The following DAZAP1 variants were observed in gnomAD, a reference collection of about 807,000 sequenced individuals.
The protein encoded by DAZAP1 is DAZ-associated protein 1.
In DAZAP1, 6 loss-of-function variants were observed where a neutral mutation model predicts 60.1. That is an observed-to-expected ratio of 0.10 (90% CI 0.05 to 0.20). DAZAP1 has a LOEUF of 0.20. Ranked by LOEUF, DAZAP1 falls within the 10% of genes least tolerant of loss-of-function variation. DAZAP1 has a pLI of 1.00. For synonymous variants in DAZAP1, 235 were observed against 215.9 expected, an observed-to-expected ratio of 1.09 and a Z score of -0.78; for missense variants, 366 against 560.4, an observed-to-expected ratio of 0.65 and a Z score of 3.50.
Position 1,434,948 on chromosome 19 carries a change from A to G in DAZAP1, c.*36A>G, listed in dbSNP as rs2144966772. 5 of 1,152,994 alleles carry G rather than the reference A, an allele frequency of 4.3e-6. No individual in the cohort carries two copies. The South Asian group carries it at 7.0e-5, about 16-fold the overall frequency. 71.4% of individuals were successfully genotyped at this position (1,152,994 alleles called of 1,614,324 possible). ...CGCGACGTCTGCACGGCCCAGACCC[A>G]GGATTCCAAACTTGTGAACTCGTGA... On this transcript the variant is annotated 3_prime_UTR_variant, in exon 12 of 12. Transcript: ENST00000233078. This position sits in a 1 kb window ranked among gnomAD's most constrained non-coding sequence, Gnocchi z 8.0.
chr19:1,407,613 G>A lies in DAZAP1; in HGVS notation c.-161G>A, dbSNP rs2082700362. The A allele has an allele frequency of 1.5e-5, 4 of 273,244 alleles. No individual in the cohort carries two copies. Among genetic ancestry groups the A allele is most frequent in the Non-Finnish European group, 2.0e-5 (4 of 197,794 alleles). The allele number at this position is 273,244 out of a possible 1,614,324, so 16.9% of individuals were successfully genotyped here. A position where few individuals can be genotyped will look rare whatever the true frequency, so the allele number is the denominator to read the frequency against. On this transcript the variant is annotated 5_prime_UTR_variant, in exon 1 of 12. Coordinates refer to ENST00000233078, the MANE Select transcript of DAZAP1 (RefSeq NM_018959.4). ...GCGGTGACCGTTGGCGCCGAGGGGA[G>A]GAGGCAGCCGCCGCCGCCGCCGCCG...
intron 2 of DAZAP1, among the ~76,000 whole-genome samples, chr19:1,417,871 T>C (rs1000129640): frequency 4.0e-5 from 6 of 151,452 alleles, no homozygotes; most frequent in Non-Finnish European, 8.8e-5. Context: ...GAGGAAAGAG[T>C]GTGTAGCAAA....
At chr19:1,413,989 C>CTGTGTGTGTGTGTGTGTG (rs3065755) in intron 1 of DAZAP1, among the ~76,000 whole-genome samples, 12 of 130,152 alleles carry the variant, frequency 9.2e-5, no homozygotes, top group East Asian at 2.3e-4. Context: ...CCCCAGTGAA[C>CTGTGTGTGTGTGTGTGTG]TGTGTGTGTG....
chr19:1,416,959 C>T lies in DAZAP1; in HGVS notation c.30-541C>T, dbSNP rs1318131310. The T allele has an allele frequency of 6.2e-6, 1 of 161,584 alleles. No individual in the cohort carries two copies. Among genetic ancestry groups the T allele is most frequent in the Non-Finnish European group, 1.3e-5 (1 of 74,248 alleles). 10.0% of individuals were successfully genotyped at this position (161,584 alleles called of 1,614,324 possible). ...CAGTGCTGAGACTGGAGCTTCAGGG[C>T]CTTCACCTTCATCTGTGGGCCTCTC... On this transcript the variant is annotated intron_variant, in intron 1 of 11. Coordinates refer to ENST00000233078, the MANE Select transcript of DAZAP1 (RefSeq NM_018959.4). This position sits in a 1 kb window ranked among gnomAD's most constrained non-coding sequence, Gnocchi z 4.3.
In DAZAP1 at chr19:1,434,639, C is replaced by T. The variant is rs1293819752; in HGVS notation, c.1049-98C>T. 1.5e-6 allele frequency: 2 copies of T among 1,375,762 alleles called. No individual in the cohort carries two copies. Among genetic ancestry groups the T allele is most frequent in the African/African-American group, 2.9e-5 (2 of 68,528 alleles). The allele number at this position is 1,375,762 out of a possible 1,614,324, so 85.2% of individuals were successfully genotyped here. On this transcript the variant is annotated intron_variant, in intron 11 of 11. Transcript: ENST00000233078. The surrounding 1 kb of genome is among the most constrained non-coding windows in gnomAD (Gnocchi z 8.0). The stretch of plus-strand genomic sequence containing the variant: ...CCGCACCCCGTGGGACCCGTGGACT[C>T]AAGGCAGGCTCGGCGGAGCTGTGTC...
intron 1 of DAZAP1, among the ~76,000 whole-genome samples, chr19:1,413,234 C>G (rs2082879249): frequency 1.3e-5 from 2 of 152,232 alleles, no homozygotes; most frequent in Non-Finnish European, 2.9e-5. Flanking sequence ...GCAGCTCCTC[C>G]TTTTGGCCTC....
At position 1,434,683 on chromosome 19, in the gene DAZAP1, G is replaced by A. The variant is rs1037864183; in HGVS notation, c.1049-54G>A. On this transcript the variant is annotated intron_variant, in intron 11 of 11. Coordinates refer to ENST00000233078, the MANE Select transcript of DAZAP1 (RefSeq NM_018959.4). This position sits in a 1 kb window ranked among gnomAD's most constrained non-coding sequence, Gnocchi z 8.0. ...CTGTGTCCAGGTGGCCTCGCTCGAC[G>A]GCAGTGCCAACCGCCCAGGGACCGC... 38 of 1,595,302 alleles carry A rather than the reference G, an allele frequency of 2.4e-5. 1 individual carries two copies. In the South Asian group the frequency reaches 2.8e-4, roughly 12 times the overall value.
chr19:1,421,059 A>G (rs2083140661), intron 4 of DAZAP1, 89 bp from the exon 5 acceptor site: 6 of 1,150,470 alleles, frequency 5.2e-6, no homozygotes, highest in Non-Finnish European at 6.5e-6. Context: ...TCTTTAAACC[A>G]GCGCGGATTG....
intron 1 of DAZAP1, among the ~76,000 whole-genome samples, chr19:1,413,989 CTGTGTGTGTGTGTGTGTGTGTGTG>C (rs3065755): frequency 7.7e-5 from 10 of 130,156 alleles, no homozygotes; most frequent in Non-Finnish European, 1.6e-4. Context: ...CCCCAGTGAA[CTGTGTGTGTGTGTGTGTGTGTGTG>C]TGTGTGTGTG....
chr19:1,410,726 C>T (rs1569034215), intron 1 of DAZAP1, among the ~76,000 whole-genome samples: 1 of 152,210 alleles, frequency 6.6e-6, no homozygotes, highest in Non-Finnish European at 1.5e-5. Context: ...AGAGGGGTCA[C>T]CTCGAGCGCC....
At position 1,433,444 on chromosome 19, in the gene DAZAP1, G is replaced by A. The variant is rs1391285565; in HGVS notation, c.1048+754G>A. 1.2e-5 allele frequency: 5 copies of A among 428,916 alleles called. No individual in the cohort carries two copies. The highest frequency in any genetic ancestry group is 2.1e-5 in the Non-Finnish European group (5 of 233,828). The allele number at this position is 428,916 out of a possible 1,614,324, so 26.6% of individuals were successfully genotyped here. A position where few individuals can be genotyped will look rare whatever the true frequency, so the allele number is the denominator to read the frequency against. The stretch of plus-strand genomic sequence containing the variant: ...TGTCTGCAGGTGGCCACGGGCTTCC[G>A]GGGTGCCTGTGAACACGCTTCCTCT... On this transcript the variant is annotated intron_variant, in intron 11 of 11. Coordinates refer to ENST00000233078, the MANE Select transcript of DAZAP1 (RefSeq NM_018959.4). The surrounding 1 kb of genome is among the most constrained non-coding windows in gnomAD (Gnocchi z 6.1).
chr19:1,413,079 A>G (rs60042271), intron 1 of DAZAP1, among the ~76,000 whole-genome samples: 35,226 of 152,072 alleles, frequency 0.23, 6,536 homozygotes, highest in African/African-American at 0.5. Context: ...CACATTGCTC[A>G]CCGACCCCTT....
In DAZAP1 at chr19:1,434,539, T is replaced by C; in HGVS notation, c.1049-198T>C. On this transcript the variant is annotated intron_variant, in intron 11 of 11. Coordinates refer to ENST00000233078, the MANE Select transcript of DAZAP1 (RefSeq NM_018959.4). The surrounding 1 kb of genome is among the most constrained non-coding windows in gnomAD (Gnocchi z 8.0). ...CGCTTTTCTCTGTGTGTGCCCCTGC[T>C]CACATGTTTTTGAGGGAGAGAACAT... is the stretch of plus-strand genomic sequence containing the variant. The C allele has an allele frequency of 1.8e-6, 1 of 564,880 alleles. No individual in the cohort carries two copies. Among genetic ancestry groups the C allele is most frequent in the South Asian group, 2.1e-5 (1 of 47,072 alleles). 35.0% of individuals were successfully genotyped at this position (564,880 alleles called of 1,614,324 possible).
intron 6 of DAZAP1, among the ~76,000 whole-genome samples, chr19:1,424,081 C>T (rs924149274): frequency 3.3e-5 from 5 of 152,094 alleles, no homozygotes; most frequent in Admixed American, 2.0e-4. Flanking sequence ...TCCCCCTCCC[C>T]GCCACCTCCT....
Position 1,417,500 on chromosome 19 carries a change from G to A in DAZAP1, c.30G>A (p.Gly10=). MNNSGADEI[G]KLFVGGLDWS... ...TGAATGTTTTCTCATTGAATCGCAG[G>A]AAGCTCTTCGTGGGCGGTCTTGACT... Residue 10 remains glycine, a splice_region_variant and synonymous_variant, in exon 2 of 12, where the codon GGG becomes GGA. Coordinates refer to ENST00000233078, the MANE Select transcript of DAZAP1 (RefSeq NM_018959.4). 1 of 1,605,018 alleles carries A rather than the reference G, an allele frequency of 6.2e-7. No homozygotes were observed. The highest frequency in any genetic ancestry group is 2.2e-5 in the East Asian group (1 of 44,596).
intron 1 of DAZAP1, among the ~76,000 whole-genome samples, chr19:1,415,152 A>G (rs2144741363): frequency 6.6e-6 from 1 of 152,058 alleles, no homozygotes; most frequent in Middle Eastern, 3.4e-3. Context: ...TTCCCCCTTA[A>G]TACACAATTT....
chr19:1,431,057 C>T (rs538373676), intron 10 of DAZAP1, among the ~76,000 whole-genome samples: 94 of 151,912 alleles, frequency 6.2e-4, no homozygotes, highest in Middle Eastern at 3.4e-3. Flanking sequence ...TTCCTGTACA[C>T]GTCACTTGTA....
At chr19:1,421,315 C>T in intron 5 of DAZAP1, 57 bp downstream of exon 5, 2 of 1,523,566 alleles carry the variant, frequency 1.3e-6, no homozygotes, top group African/African-American at 1.4e-5. Flanking sequence ...CTGCTCAGGC[C>T]TGGGCCTTCT....
At chr19:1,413,989 C>CTGTGTGTGTG (rs3065755) in intron 1 of DAZAP1, among the ~76,000 whole-genome samples, 2,761 of 130,106 alleles carry the variant, frequency 0.021, 64 homozygotes, top group African/African-American at 0.034. Context: ...CCCCAGTGAA[C>CTGTGTGTGTG]TGTGTGTGTG....
Sources: gnomAD v4.1 joint callset for allele counts (sites outside exome capture counted in the v4.1 genomes callset) on GRCh38, gnomAD v4.1.1 for gene constraint, Gnocchi (gnomAD v3.1) non-coding constraint, MANE v1.5 for transcripts, NCBI Gene and HGNC (gene_info 2026-07-23, HGNC 2026-07-21) for gene names.